SH3PXD2A: variants seen among roughly 807,000 people sequenced by gnomAD.
SH3PXD2A encodes the protein SH3 and PX domain-containing protein 2A.
A neutral mutation model predicts 115.2 loss-of-function variants in SH3PXD2A; 32 were observed. The observed-to-expected ratio is 0.28, with a 90% CI of 0.21 to 0.37. SH3PXD2A has a LOEUF of 0.37. Among genes scored for constraint, SH3PXD2A ranks in the 10% least tolerant of loss-of-function variants. The pLI is 1.00. For synonymous variants in SH3PXD2A, 610 were observed against 629.1 expected (o/e 0.97, Z 0.45); for missense variants, 1,328 against 1,498.7 (o/e 0.89, Z 1.88).
In SH3PXD2A at chr10:103,618,449, A is replaced by G. The variant is rs375166013; in HGVS notation, c.803-1135T>C. ...AGAGTCCTTGCCTCCTGCCTGAGAC[A>G]CTCCGTAGAGGGCTGCTCAGAGTGG... On this transcript the variant is annotated intron_variant, in intron 10 of 14. Transcript: ENST00000369774. Among the ~76,000 whole-genome samples, 10 of 152,054 alleles carry G rather than the reference A, an allele frequency of 6.6e-5. No individual in the cohort carries two copies. The South Asian group carries it at 2.1e-3, about 32-fold the overall frequency.
chr10:103,719,777 TG>T (rs2134167097), intron 5 of SH3PXD2A, among the ~76,000 whole-genome samples: 1 of 141,840 alleles, frequency 7.1e-6, no homozygotes, highest in Admixed American at 7.7e-5. Context: ...TGGAGTGCAG[TG>T]GTGCGATCTC....
At position 103,660,977 on chromosome 10, in the gene SH3PXD2A, A is replaced by G; in HGVS notation, c.604+6T>C. ...CCAGTGGACGGCCATTGGCCAGGGC[A>G]CTCACCGCTCTCGTTCTTCTCGATG... On this transcript the variant is annotated splice_donor_region_variant and intron_variant, in intron 8 of 14. Coordinates refer to ENST00000369774, the MANE Select transcript of SH3PXD2A (RefSeq NM_001394015.1). The G allele has an allele frequency of 6.2e-7, 1 of 1,613,622 alleles. No homozygotes were observed. The highest frequency in any genetic ancestry group is 2.2e-5 in the East Asian group (1 of 44,860).
At chr10:103,773,998 G>T (rs1237216682) in intron 2 of SH3PXD2A, among the ~76,000 whole-genome samples, 1 of 152,146 alleles carries the variant, frequency 6.6e-6, no homozygotes, top group South Asian at 2.1e-4. Flanking sequence ...GCCTCCCAAA[G>T]TGCTGGGATT....
At chr10:103,752,483 A>G (rs1193412479) in intron 3 of SH3PXD2A, among the ~76,000 whole-genome samples, 1 of 152,196 alleles carries the variant, frequency 6.6e-6, no homozygotes, top group African/African-American at 2.4e-5. Flanking sequence ...GGGATTCTGA[A>G]CTAATAAATA....
chr10:103,852,513 T>A (rs1180589300), intron 1 of SH3PXD2A, among the ~76,000 whole-genome samples: 4 of 152,298 alleles, frequency 2.6e-5, no homozygotes, highest in African/African-American at 9.6e-5. Context: ...GAATTCACCA[T>A]CAGCAGAGGA....
chr10:103,691,545 A>G (rs1212518090), intron 6 of SH3PXD2A, among the ~76,000 whole-genome samples: 1 of 152,066 alleles, frequency 6.6e-6, no homozygotes. Context: ...GTGACAGTGG[A>G]GGAATGCTCT....
intron 6 of SH3PXD2A, among the ~76,000 whole-genome samples, chr10:103,688,710 C>G (rs2037710722): frequency 6.6e-6 from 1 of 152,022 alleles, no homozygotes; most frequent in African/African-American, 2.4e-5. Context: ...AGGGGTAAAG[C>G]CCAGGTCAGG....
At position 103,771,817 on chromosome 10, in the gene SH3PXD2A, G is replaced by C. The variant is rs577241698; in HGVS notation, c.154-4648C>G. Among the ~76,000 whole-genome samples, 204 of 151,476 alleles carry C rather than the reference G, an allele frequency of 1.3e-3. 1 individual carries two copies. Among genetic ancestry groups the C allele is most frequent in the African/African-American group, 4.7e-3 (194 of 41,172 alleles). ...TACCCTGCAGCCTTCACATCAAGGA[G>C]CCAGGCTTCACAACCTTCAACATGC... On this transcript the variant is annotated intron_variant, in intron 2 of 14. Coordinates refer to ENST00000369774, the MANE Select transcript of SH3PXD2A (RefSeq NM_001394015.1).
intron 1 of SH3PXD2A, among the ~76,000 whole-genome samples, chr10:103,804,672 G>GGT (rs2039183614): frequency 1.3e-5 from 2 of 151,958 alleles, no homozygotes; most frequent in South Asian, 4.2e-4. Flanking sequence ...AGAAGCCTGC[G>GGT]GTGCTCTTGC....
chr10:103,730,859 C>T (rs767000464), intron 4 of SH3PXD2A, among the ~76,000 whole-genome samples: 13 of 152,102 alleles, frequency 8.5e-5, no homozygotes, highest in Admixed American at 2.0e-4. Flanking sequence ...TCGGGGTGGG[C>T]GCAGTCCTCT....
chr10:103,638,648 C>T (rs575620478), intron 8 of SH3PXD2A, among the ~76,000 whole-genome samples: 55 of 152,346 alleles, frequency 3.6e-4, no homozygotes, highest in African/African-American at 1.2e-3. Context: ...TCTGCAAAAC[C>T]GACCCAAAGT....
At chr10:103,773,060 C>T (rs1171216526) in intron 2 of SH3PXD2A, among the ~76,000 whole-genome samples, 1 of 152,048 alleles carries the variant, frequency 6.6e-6, no homozygotes, top group African/African-American at 2.4e-5. Context: ...CCTATCTCTA[C>T]TGAAAATACA....
intron 3 of SH3PXD2A, among the ~76,000 whole-genome samples, chr10:103,750,259 C>A (rs2038560233): frequency 6.6e-6 from 1 of 152,132 alleles, no homozygotes; most frequent in South Asian, 2.1e-4. Flanking sequence ...CTCTATGTTG[C>A]CCAGGCTGGT....
intron 1 of SH3PXD2A, among the ~76,000 whole-genome samples, chr10:103,815,106 C>G (rs2039311335): frequency 6.6e-6 from 1 of 152,162 alleles, no homozygotes; most frequent in Non-Finnish European, 1.5e-5. Context: ...CTATTAAAGT[C>G]TTAGAAGAAA....
intron 7 of SH3PXD2A, among the ~76,000 whole-genome samples, chr10:103,664,954 T>C (rs1161680492): frequency 6.6e-6 from 1 of 152,160 alleles, no homozygotes; most frequent in Admixed American, 6.5e-5. Flanking sequence ...ATTATAGGCA[T>C]AAGCCACCAC....
intron 2 of SH3PXD2A, among the ~76,000 whole-genome samples, chr10:103,797,677 TA>T (rs149128181): frequency 0.027 from 3,171 of 118,660 alleles, 116 homozygotes; most frequent in African/African-American, 0.094. Context: ...TTGAAGATAA[TA>T]ACCAGAGAAA....
chr10:103,813,620 C>T (rs2039294150), intron 1 of SH3PXD2A, among the ~76,000 whole-genome samples: 1 of 152,190 alleles, frequency 6.6e-6, no homozygotes, highest in Non-Finnish European at 1.5e-5. Flanking sequence ...GCCTGGCCAA[C>T]ATTTCTATAT....
rs972031776 is a variant in SH3PXD2A at position 103,666,246 on chromosome 10, G to A, written c.472+2362C>T. On this transcript the variant is annotated intron_variant, in intron 7 of 14. Transcript: ENST00000369774. The surrounding 1 kb of genome is among the most constrained non-coding windows in gnomAD (Gnocchi z 4.5). ...ATTCATGATTCAACACATGTATCGAGCACCCACTAGGCGCCAACACCCAAC... is the reference window on the plus strand; with the variant it reads ...ATTCATGATTCAACACATGTATCGAACACCCACTAGGCGCCAACACCCAAC... Among the ~76,000 whole-genome samples, 2 of 152,170 alleles carry A rather than the reference G, an allele frequency of 1.3e-5. No individual in the cohort carries two copies. Among genetic ancestry groups the A allele is most frequent in the Non-Finnish European group, 1.5e-5 (1 of 68,038 alleles).
chr10:103,845,851 G>T (rs571959444), intron 1 of SH3PXD2A, among the ~76,000 whole-genome samples: 2 of 152,162 alleles, frequency 1.3e-5, no homozygotes, highest in Non-Finnish European at 1.5e-5. Flanking sequence ...AACAACGTAG[G>T]TTCTCCATCA....
Sources: allele counts gnomAD v4.1 joint callset (sites outside exome capture counted in the v4.1 genomes callset), GRCh38; gene constraint gnomAD v4.1.1; non-coding constraint Gnocchi (gnomAD v3.1); transcripts MANE v1.5; gene names NCBI Gene and HGNC (gene_info 2026-07-23, HGNC 2026-07-21).